IL1RAPL1: variants seen among roughly 807,000 people sequenced by gnomAD.
The protein encoded by IL1RAPL1 is interleukin-1 receptor accessory protein-like 1.
A neutral mutation model predicts 48.4 loss-of-function variants in IL1RAPL1; 3 were observed. That is an observed-to-expected ratio of 0.06 (90% confidence interval 0.03 to 0.16). The LOEUF is 0.16. IL1RAPL1 is among the 10% of genes least tolerant of loss of function. The pLI is 1.00. For synonymous variants in IL1RAPL1, 185 were observed against 187.7 expected (o/e 0.99, Z 0.12); for missense variants, 349 against 530.6 (o/e 0.66, Z 3.36).
chrX:28,785,190 T>A, intron 1 of IL1RAPL1, among the ~76,000 whole-genome samples: 1 of 111,959 alleles, frequency 8.9e-6, no homozygotes, highest in Non-Finnish European at 1.9e-5. Context: ...AGTGAAATAA[T>A]CACTGCTCAC....
rs772307568 is a variant in IL1RAPL1 at position 29,093,485 on chromosome X, T to C, written c.83-189453T>C. Among the ~76,000 whole-genome samples, 44 of 111,592 alleles carry C rather than the reference T, an allele frequency of 3.9e-4. 1 individual carries two copies. The highest frequency in any genetic ancestry group is 3.8e-4 in the Non-Finnish European group (20 of 53,093). ...GGAGATTATAATTCGACATGAGATTTGGTGGGGACATAGATCCAAACCGTA... is the reference window on the plus strand; with the variant it reads ...GGAGATTATAATTCGACATGAGATTCGGTGGGGACATAGATCCAAACCGTA... On this transcript the variant is annotated intron_variant, in intron 2 of 10. Coordinates refer to ENST00000378993, the MANE Select transcript of IL1RAPL1 (RefSeq NM_014271.4).
At chrX:29,011,778 G>A (rs1926127981) in intron 2 of IL1RAPL1, among the ~76,000 whole-genome samples, 1 of 112,441 alleles carries the variant, frequency 8.9e-6, no homozygotes, top group African/African-American at 3.2e-5. Flanking sequence ...ATTTACATTT[G>A]TATGTCAATT....
intron 2 of IL1RAPL1, among the ~76,000 whole-genome samples, chrX:29,048,495 AG>A (rs1927024258): frequency 8.9e-6 from 1 of 111,904 alleles, no homozygotes; most frequent in Non-Finnish European, 1.9e-5. Context: ...TTCCAATTTT[AG>A]CATACAAATC....
At chrX:28,969,166 G>A (rs1924994680) in intron 2 of IL1RAPL1, among the ~76,000 whole-genome samples, 2 of 112,153 alleles carry the variant, frequency 1.8e-5, no homozygotes, top group Admixed American at 9.5e-5. Context: ...TTGTTGGTGT[G>A]AAGCCACTGT....
At chrX:29,430,887 A>T (rs1183625618) in intron 5 of IL1RAPL1, among the ~76,000 whole-genome samples, 3 of 110,900 alleles carry the variant, frequency 2.7e-5, no homozygotes, top group Admixed American at 1.9e-4. Flanking sequence ...TAGATGTGCT[A>T]TAGATGTCAT....
chrX:28,589,124 G>A (rs1449409768), intron 1 of IL1RAPL1, among the ~76,000 whole-genome samples: 1 of 111,805 alleles, frequency 8.9e-6, no homozygotes, highest in Non-Finnish European at 1.9e-5. Flanking sequence ...CATATTCAGT[G>A]CCTGTGATGA....
intron 1 of IL1RAPL1, among the ~76,000 whole-genome samples, chrX:28,684,557 G>C (rs1323817538): frequency 9.0e-6 from 1 of 111,564 alleles, no homozygotes; most frequent in Non-Finnish European, 1.9e-5. Context: ...ATACTTTCTT[G>C]CCTATTTTCT....
intron 6 of IL1RAPL1, among the ~76,000 whole-genome samples, chrX:29,676,655 G>A (rs1273934678): frequency 9.0e-6 from 1 of 111,239 alleles, no homozygotes. Flanking sequence ...TATGCCACAT[G>A]AATTTATAAA....
intron 2 of IL1RAPL1, among the ~76,000 whole-genome samples, chrX:28,995,711 C>T (rs890438051): frequency 9.0e-6 from 1 of 111,110 alleles, no homozygotes; most frequent in Non-Finnish European, 1.9e-5. Context: ...CTGGCAATTT[C>T]CTGTCTTTCT....
At chrX:28,746,189 C>G (rs1429570514) in intron 1 of IL1RAPL1, among the ~76,000 whole-genome samples, 1 of 110,947 alleles carries the variant, frequency 9.0e-6, no homozygotes, top group African/African-American at 3.3e-5. Context: ...GAGTTCATGT[C>G]CTTTGTAGGG....
chrX:29,906,750 C>G (rs1157980706), intron 6 of IL1RAPL1, among the ~76,000 whole-genome samples: 1 of 107,850 alleles, frequency 9.3e-6, no homozygotes, highest in Non-Finnish European at 1.9e-5. Flanking sequence ...AAGGTAAAAA[C>G]AAATTGTTCT....
intron 1 of IL1RAPL1, among the ~76,000 whole-genome samples, chrX:28,685,903 A>G (rs1376333836): frequency 1.8e-5 from 2 of 112,282 alleles, no homozygotes; most frequent in Non-Finnish European, 3.8e-5. Context: ...TAAGCTGGAA[A>G]CAAACCTGCT....
chrX:29,115,401 G>T (rs906059444), intron 2 of IL1RAPL1, among the ~76,000 whole-genome samples: 7 of 111,466 alleles, frequency 6.3e-5, no homozygotes, highest in African/African-American at 2.3e-4. Flanking sequence ...TTGTAGTTCT[G>T]TCTGTCTAGT....
chrX:29,296,658 C>T (rs1311743120), intron 3 of IL1RAPL1, among the ~76,000 whole-genome samples: 2 of 110,633 alleles, frequency 1.8e-5, no homozygotes, highest in Non-Finnish European at 1.9e-5. Flanking sequence ...TTCCTCTACT[C>T]AGATTCTAAG....
chrX:29,270,598 A>C (rs146832689), intron 2 of IL1RAPL1, among the ~76,000 whole-genome samples: 1,223 of 110,569 alleles, frequency 0.011, 13 homozygotes, highest in Non-Finnish European at 0.018. Context: ...GTGTGGATCT[A>C]TTTCTGGACT....
intron 5 of IL1RAPL1, among the ~76,000 whole-genome samples, chrX:29,608,522 A>G (rs181151847): frequency 1.8e-5 from 2 of 111,517 alleles, no homozygotes; most frequent in East Asian, 5.6e-4. Flanking sequence ...ATCTCAAATC[A>G]GCTTCTTAAA....
At chrX:29,638,618 A>C (rs922303511) in intron 5 of IL1RAPL1, among the ~76,000 whole-genome samples, 1 of 111,859 alleles carries the variant, frequency 8.9e-6, no homozygotes. Flanking sequence ...ACAATGCCCA[A>C]CTTGCAAATG....
chrX:29,948,300 C>T (rs1933250282), intron 9 of IL1RAPL1, among the ~76,000 whole-genome samples: 1 of 111,069 alleles, frequency 9.0e-6, no homozygotes, highest in Non-Finnish European at 1.9e-5. Flanking sequence ...CAGAAAAGTA[C>T]CAAATGGCAC....
chrX:29,731,615 A>G (rs1169691165), intron 6 of IL1RAPL1, among the ~76,000 whole-genome samples: 2 of 112,163 alleles, frequency 1.8e-5, no homozygotes, highest in Admixed American at 1.9e-4. Context: ...TACCTTTCTC[A>G]GGAAAAGAGG....
Sources: allele counts gnomAD v4.1 joint callset (sites outside exome capture counted in the v4.1 genomes callset), GRCh38; gene constraint gnomAD v4.1.1; transcripts MANE v1.5; gene names NCBI Gene and HGNC (gene_info 2026-07-23, HGNC 2026-07-21).